Variants in FAM151B observed in about 807,000 individuals in gnomAD.
FAM151B encodes the protein protein FAM151B.
Under a neutral mutation model 31.2 loss-of-function variants are expected in FAM151B, and 24 were observed. The ratio of observed to expected loss-of-function variants is 0.77; its 90% CI spans 0.56 to 1.08. The LOEUF is 1.08. Among genes scored for constraint, FAM151B ranks in the 50% least tolerant of loss-of-function variants. The pLI is 0.00. For missense variants in FAM151B, 293 were observed against 328.6 expected, an observed-to-expected ratio of 0.89 and a Z score of 0.84; for synonymous variants, 105 against 111.4, an observed-to-expected ratio of 0.94 and a Z score of 0.36.
chr5:80,504,611 C>G (rs1487247609), intron 2 of FAM151B, among the ~76,000 whole-genome samples: 3 of 149,194 alleles, frequency 2.0e-5, no homozygotes, highest in African/African-American at 7.4e-5. Flanking sequence ...ACCTCTGCCT[C>G]CCGGGTTCAA....
intron 1 of FAM151B, among the ~76,000 whole-genome samples, chr5:80,492,828 C>T (rs1208791488): frequency 6.6e-6 from 1 of 152,100 alleles, no homozygotes; most frequent in Admixed American, 6.6e-5. Context: ...GTGGGATGCA[C>T]CTGTAGTCCT....
chr5:80,501,262 C>T (rs1197872676), intron 1 of FAM151B: 10 of 477,840 alleles, frequency 2.1e-5, no homozygotes, highest in East Asian at 4.8e-5. Context: ...TCAGGTAATC[C>T]GCCCACCTCA....
At chr5:80,513,442 T>A (rs1039365821) in intron 2 of FAM151B, among the ~76,000 whole-genome samples, 162 bp from the exon 3 acceptor site, 1 of 152,194 alleles carries the variant, frequency 6.6e-6, no homozygotes, top group Non-Finnish European at 1.5e-5. Context: ...AGGGAGAATG[T>A]GTACGGACCT....
In FAM151B at chr5:80,513,770, G is replaced by A. The variant is rs1164002073; in HGVS notation, c.317+1G>A. The A allele has an allele frequency of 2.5e-6, 4 of 1,607,396 alleles. No individual in the cohort carries two copies. The South Asian group carries it at 3.4e-5, about 13-fold the overall frequency. ...AAGGCATCAAGCTGGATTTCAAAAG[G>A]TATTTGTATAAACACGTTCAATTTT... On this transcript the variant is annotated splice_donor_variant, in intron 3 of 5. Transcript: ENST00000282226. LOFTEE classifies it high-confidence loss of function.
chr5:80,522,410 T>C (rs1008902), intron 5 of FAM151B: 22,545 of 282,880 alleles, frequency 0.08, 1,199 homozygotes, highest in African/African-American at 0.17. Flanking sequence ...TCTTTTTCAT[T>C]ATATATTCAC....
chr5:80,514,958 G>A (rs371371436), intron 3 of FAM151B, among the ~76,000 whole-genome samples: 3 of 151,588 alleles, frequency 2.0e-5, no homozygotes, highest in Non-Finnish European at 4.4e-5. Flanking sequence ...CTTTTTTTTC[G>A]ACCGGGCACG....
At chr5:80,527,313 C>T (rs1191081190) in intron 5 of FAM151B, among the ~76,000 whole-genome samples, 1 of 152,004 alleles carries the variant, frequency 6.6e-6, no homozygotes, top group South Asian at 2.1e-4. Flanking sequence ...ATCTCAGCTA[C>T]TCAGGACGCT....
chr5:80,520,577 G>A (rs1251549843), intron 4 of FAM151B, among the ~76,000 whole-genome samples: 2 of 149,712 alleles, frequency 1.3e-5, no homozygotes, highest in South Asian at 2.1e-4. Flanking sequence ...CCCAGGAGGC[G>A]TAGGTTGCAG....
At chr5:80,526,058 G>A (rs62365358) in intron 5 of FAM151B, among the ~76,000 whole-genome samples, 14,141 of 152,034 alleles carry the variant, frequency 0.093, 854 homozygotes, top group Non-Finnish European at 0.14. Flanking sequence ...TGGGTTCAAG[G>A]ATGCTCAGCA....
intron 2 of FAM151B, among the ~76,000 whole-genome samples, chr5:80,512,977 A>G (rs1257861717): frequency 6.6e-6 from 1 of 152,140 alleles, no homozygotes; most frequent in East Asian, 1.9e-4. Context: ...GCCCCAACCC[A>G]TCACAAGACC....
chr5:80,497,409 C>T (rs1306132870), intron 1 of FAM151B, among the ~76,000 whole-genome samples: 8 of 144,996 alleles, frequency 5.5e-5, no homozygotes, highest in East Asian at 2.0e-4. Flanking sequence ...AGCAAGACTC[C>T]GGCTCAAAAA....
intron 1 of FAM151B, chr5:80,500,334 T>C (rs1743697752): frequency 1.6e-5 from 14 of 871,160 alleles, no homozygotes; most frequent in Admixed American, 3.4e-5. Context: ...GCTGGAACCA[T>C]GGAGGGTGTA....
chr5:80,501,534 A>C (rs559384647), intron 1 of FAM151B: 15 of 426,700 alleles, frequency 3.5e-5, no homozygotes, highest in Non-Finnish European at 6.2e-5. Context: ...TCCAGGTAAT[A>C]AAATTGTACT....
At chr5:80,513,935 G>GT (rs1006841803) in intron 3 of FAM151B, among the ~76,000 whole-genome samples, 166 bp downstream of exon 3, 1 of 151,912 alleles carries the variant, frequency 6.6e-6, no homozygotes, top group African/African-American at 2.4e-5. Context: ...TACTAAAATT[G>GT]TTTTTTGGAG....
chr5:80,501,745 CCCT>C lies in FAM151B; in HGVS notation c.26-46_26-44del, dbSNP rs749404739. ...AATGAAAGTGATTTTAAAAATTTTA[CCCT>C]ATAAAAAACAATATCACTTTTCATG... On this transcript the variant is annotated intron_variant, in intron 1 of 5. Transcript: ENST00000282226. 8.3e-6 allele frequency: 12 copies of C among 1,451,120 alleles called. No individual in the cohort carries two copies. The Admixed American group carries it at 1.6e-4, about 19-fold the overall frequency. 89.9% of individuals were successfully genotyped at this position (1,451,120 alleles called of 1,614,324 possible). A position where few individuals can be genotyped will look rare whatever the true frequency, so the allele number is the denominator to read the frequency against.
rs57212651 is a variant in FAM151B, at chr5:80,521,116, CTTTTTTT to C, written c.536-868_536-862del. Among the ~76,000 whole-genome samples, 4 of 71,884 alleles carry C rather than the reference CTTTTTTT, an allele frequency of 5.6e-5. No homozygotes were observed. In the Admixed American group the frequency reaches 8.2e-4, roughly 15 times the overall value. The allele number at this position is 71,884 out of a possible 152,430, so 47.2% of individuals were successfully genotyped here. On this transcript the variant is annotated intron_variant, in intron 4 of 5. Transcript: ENST00000282226. ...ACAGGCATGAGCCACTGCACCTGGC[CTTTTTTT>C]TTTTTTTTTTTTTTTTTTAAAAAAC...
intron 2 of FAM151B, among the ~76,000 whole-genome samples, chr5:80,508,026 C>T (rs1236505656): frequency 2.0e-5 from 3 of 152,182 alleles, no homozygotes; most frequent in South Asian, 2.1e-4. Flanking sequence ...CAGGGAAGCA[C>T]CTTCCTATGT....
At chr5:80,513,421 A>T (rs1170062819) in intron 2 of FAM151B, among the ~76,000 whole-genome samples, 183 bp from the exon 3 acceptor site, 1 of 152,204 alleles carries the variant, frequency 6.6e-6, no homozygotes, top group African/African-American at 2.4e-5. Flanking sequence ...CTGTTTGCTA[A>T]TCTAAAAAAT....
chr5:80,538,440 C>CTCTTTCTTTGTTTCTTTG, intron 5 of FAM151B, among the ~76,000 whole-genome samples: 1 of 59,924 alleles, frequency 1.7e-5, no homozygotes, highest in African/African-American at 9.4e-5. Flanking sequence ...TTCTTTCTTT[C>CTCTTTCTTTGTTTCTTTG]TTTCTTTCTC....
Sources: allele counts gnomAD v4.1 joint callset (sites outside exome capture counted in the v4.1 genomes callset), GRCh38; gene constraint gnomAD v4.1.1; transcripts MANE v1.5; gene names NCBI Gene and HGNC (gene_info 2026-07-23, HGNC 2026-07-21).